Variants in RAB3C observed in about 807,000 individuals in gnomAD.
RAB3C encodes the protein RAB3C, member RAS oncogene family.
In RAB3C, 17 loss-of-function variants were observed where a neutral mutation model predicts 26.4. The observed-to-expected ratio is 0.64, with a 90% confidence interval of 0.44 to 0.97. The LOEUF is 0.97. Among genes scored for constraint, RAB3C ranks in the 50% least tolerant of loss-of-function variants. The pLI is 0.00. For missense variants in RAB3C, 242 were observed against 281.9 expected (o/e 0.86, Z 1.01); for synonymous variants, 91 against 95.9 (o/e 0.95, Z 0.30).
chr5:58,838,033 C>T (rs1363914610), intron 4 of RAB3C, among the ~76,000 whole-genome samples: 1 of 152,092 alleles, frequency 6.6e-6, no homozygotes, highest in Non-Finnish European at 1.5e-5. Context: ...GGTCTTATCT[C>T]GTTTTTTCTT....
At chr5:58,842,421 A>G (rs190963734) in intron 4 of RAB3C, among the ~76,000 whole-genome samples, 1 of 152,258 alleles carries the variant, frequency 6.6e-6, no homozygotes, top group Non-Finnish European at 1.5e-5. Flanking sequence ...AATCCCAAAG[A>G]TATACTCTCT....
intron 2 of RAB3C, among the ~76,000 whole-genome samples, chr5:58,653,038 G>A (rs530595036): frequency 3.6e-4 from 55 of 152,206 alleles, no homozygotes; most frequent in African/African-American, 1.3e-3. Context: ...TTGTTACATA[G>A]GTATACATGT....
chr5:58,719,951 C>T (rs1740707507), intron 2 of RAB3C, among the ~76,000 whole-genome samples: 3 of 151,872 alleles, frequency 2.0e-5, no homozygotes, highest in Non-Finnish European at 1.5e-5. Context: ...AGGAAGACCT[C>T]ATTTAATTTG....
chr5:58,590,724 G>T (rs374656518), intron 1 of RAB3C, among the ~76,000 whole-genome samples: 1 of 151,866 alleles, frequency 6.6e-6, no homozygotes. Context: ...TGCATTTTTC[G>T]TAGAGACATA....
intron 1 of RAB3C, among the ~76,000 whole-genome samples, chr5:58,588,848 A>C (rs888030263): frequency 6.6e-6 from 1 of 152,108 alleles, no homozygotes; most frequent in African/African-American, 2.4e-5. Context: ...CTATCATATT[A>C]TTTACAAATA....
chr5:58,800,961 G>A (rs1025235693), intron 3 of RAB3C, among the ~76,000 whole-genome samples: 1 of 152,180 alleles, frequency 6.6e-6, no homozygotes, highest in Non-Finnish European at 1.5e-5. Flanking sequence ...CATAGTCAGT[G>A]TATGCAGCAG....
chr5:58,806,459 A>G (rs890883358), intron 3 of RAB3C, among the ~76,000 whole-genome samples: 1 of 152,230 alleles, frequency 6.6e-6, no homozygotes. Context: ...AGTATTAAAC[A>G]GTGCTCATCA....
intron 2 of RAB3C, among the ~76,000 whole-genome samples, chr5:58,683,051 C>T (rs1474769689): frequency 1.3e-5 from 2 of 152,152 alleles, no homozygotes; most frequent in East Asian, 3.8e-4. Context: ...TTTGTACCTT[C>T]AGCCTACTTT....
intron 2 of RAB3C, among the ~76,000 whole-genome samples, chr5:58,718,845 T>C (rs191060277): frequency 1.3e-5 from 2 of 152,182 alleles, no homozygotes; most frequent in Non-Finnish European, 2.9e-5. Context: ...TTTATTTTAA[T>C]GGAGGATTAA....
chr5:58,817,220 C>A (rs77110659), intron 3 of RAB3C: 1 of 152,040 alleles, frequency 6.6e-6, no homozygotes, highest in African/African-American at 2.4e-5. Context: ...GTGGAGATAG[C>A]GAGATTTCTG....
At chr5:58,824,954 C>A in intron 3 of RAB3C, 84 bp from the exon 4 acceptor site, 3 of 906,764 alleles carry the variant, frequency 3.3e-6, no homozygotes, top group East Asian at 2.7e-5. Context: ...CTACCATCAT[C>A]ATCTGTGGAA....
upstream of RAB3C, chr5:58,582,959 T>C (rs918953715): frequency 1.9e-6 from 2 of 1,027,790 alleles, no homozygotes; most frequent in Non-Finnish European, 2.7e-6. Flanking sequence ...TGCCGGGAGT[T>C]GTAGTTCACC....
At chr5:58,621,561 A>T (rs980940469) in intron 2 of RAB3C, among the ~76,000 whole-genome samples, 12 of 152,108 alleles carry the variant, frequency 7.9e-5, no homozygotes, top group Non-Finnish European at 1.5e-4. Flanking sequence ...GCCAGGTTTC[A>T]AGTATGATTT....
chr5:58,700,390 A>G (rs1748816812), intron 2 of RAB3C, among the ~76,000 whole-genome samples: 1 of 152,200 alleles, frequency 6.6e-6, no homozygotes, highest in Admixed American at 6.5e-5. Context: ...CAAAGAATGC[A>G]TTTTGTGTGT....
intron 3 of RAB3C, among the ~76,000 whole-genome samples, chr5:58,775,813 G>A (rs950397790): frequency 1.3e-5 from 2 of 152,036 alleles, no homozygotes; most frequent in Non-Finnish European, 2.9e-5. Context: ...TGAAGCCTCC[G>A]GGCTTCGGTC....
chr5:58,723,633 A>G (rs1283158991), intron 2 of RAB3C, among the ~76,000 whole-genome samples: 1 of 151,800 alleles, frequency 6.6e-6, no homozygotes, highest in Non-Finnish European at 1.5e-5. Flanking sequence ...CTATGGGTGA[A>G]GAACAGCAAA....
intron 3 of RAB3C, among the ~76,000 whole-genome samples, chr5:58,821,256 C>T (rs149811415): frequency 1.3e-4 from 20 of 152,276 alleles, no homozygotes; most frequent in African/African-American, 4.8e-4. Context: ...GCTTTACTAC[C>T]AGGATGAGAA....
At chr5:58,761,030 T>TTCTC (rs147066692) in intron 3 of RAB3C, among the ~76,000 whole-genome samples, 7 of 141,962 alleles carry the variant, frequency 4.9e-5, no homozygotes, top group East Asian at 2.1e-4. Context: ...ATCACATTCC[T>TTCTC]TCTCTCTCTC....
At position 58,617,854 on chromosome 5, in the gene RAB3C, T is replaced by C. The variant is rs1746858310; in HGVS notation, c.236T>C (p.Ile79Thr). 2 of 1,609,368 alleles carry C rather than the reference T, an allele frequency of 1.2e-6. No homozygotes were observed. Among genetic ancestry groups the C allele is most frequent in the Admixed American group, 1.7e-5 (1 of 59,628 alleles). Residue 79 changes from isoleucine to threonine, a missense_variant, in exon 2 of 5, where the codon ATC becomes ACC. Coordinates refer to ENST00000282878, the MANE Select transcript of RAB3C (RefSeq NM_138453.4). ...ACTGTATTCAAAAATGAAAAGAGAA[T>C]CAAGCTTCAGATTTGGGTAAGTGGC... ...VKTVFKNEKRIKLQIWDTAGQ... is the reference protein window; with the variant it reads ...VKTVFKNEKRTKLQIWDTAGQ...
Sources: allele counts gnomAD v4.1 joint callset (sites outside exome capture counted in the v4.1 genomes callset), GRCh38; gene constraint gnomAD v4.1.1; transcripts MANE v1.5; gene names NCBI Gene and HGNC (gene_info 2026-07-23, HGNC 2026-07-21).